RECK: variants seen among roughly 807,000 people sequenced by gnomAD.
The protein encoded by RECK is reversion-inducing cysteine-rich protein with Kazal motifs.
Under a neutral mutation model 115.1 loss-of-function variants are expected in RECK, and 69 were observed. The observed-to-expected ratio is 0.60, with a 90% confidence interval of 0.49 to 0.73. The LOEUF is 0.73. Among genes scored for constraint, RECK ranks in the 30% least tolerant of loss-of-function variants. RECK has a pLI of 0.00. For synonymous variants in RECK, 414 were observed against 419.7 expected (o/e 0.99, Z 0.17); for missense variants, 1,047 against 1,203.7 (o/e 0.87, Z 1.93).
At chr9:36,116,308 A>G (rs1824262977) in intron 16 of RECK, among the ~76,000 whole-genome samples, 1 of 151,958 alleles carries the variant, frequency 6.6e-6, no homozygotes, top group Non-Finnish European at 1.5e-5. Flanking sequence ...TTGTATTTTT[A>G]GTAGAGATGG....
rs139290291 is a variant in RECK at position 36,046,158 on chromosome 9, T to C, written c.101-6107T>C. The stretch of plus-strand genomic sequence containing the variant: ...TAAGCAGAGTTTTAAACTATTATTC[T>C]TGAAGAATATGTTAGGATCAAATTA... On this transcript the variant is annotated intron_variant, in intron 1 of 20. Transcript: ENST00000377966. Among the ~76,000 whole-genome samples the C allele has an allele frequency of 2.6e-3, 401 of 152,324 alleles. 2 individuals carry two copies. Among genetic ancestry groups the C allele is most frequent in the Middle Eastern group, 6.8e-3 (2 of 294 alleles).
intron 1 of RECK, among the ~76,000 whole-genome samples, chr9:36,041,145 A>G (rs1361771341): frequency 6.6e-6 from 1 of 152,240 alleles, no homozygotes; most frequent in Non-Finnish European, 1.5e-5. Flanking sequence ...ATTCACCCCA[A>G]AATGTATAAT....
chr9:36,121,078 C>T (rs72729496), intron 19 of RECK, among the ~76,000 whole-genome samples: 15,658 of 152,164 alleles, frequency 0.1, 926 homozygotes, highest in Middle Eastern at 0.21. Flanking sequence ...CTTTTGAGGT[C>T]GCCTCCCCTC....
rs60660015 is a variant in RECK at position 36,073,046 on chromosome 9, C to CTT, written c.405+7432_405+7433dup. 1.3e-4 allele frequency among the ~76,000 whole-genome samples: 19 copies of CTT among 146,348 alleles called. No homozygotes were observed. In the East Asian group the frequency reaches 1.8e-3, roughly 14 times the overall value. On this transcript the variant is annotated intron_variant, in intron 6 of 20. Transcript: ENST00000377966. ...CAACTTCAGAATCTTCATTGCTAAC[C>CTT]TTTTTTTTTTTGAGCTCCTGAACAC...
intron 6 of RECK, among the ~76,000 whole-genome samples, chr9:36,070,021 T>C (rs2132600820): frequency 6.6e-6 from 1 of 152,292 alleles, no homozygotes; most frequent in Non-Finnish European, 1.5e-5. Context: ...AAGGCAAAAT[T>C]AAGCTAGTTC....
rs1302642028 is a variant in RECK at position 36,037,052 on chromosome 9, GGCGGGGGTC to G, written c.59_67del (p.Gly20_Ala22del). ...GTGCGCTGCTCCTTCTGCTGGCCGT[GGCGGGGGTC>G]GCGGAGGTGGCAGGGGGCCTGGCTC... On this transcript the variant is annotated inframe_deletion, in exon 1 of 21. Transcript: ENST00000377966. 7.1e-7 allele frequency: 1 copy of G among 1,400,792 alleles called. No homozygotes were observed. Among genetic ancestry groups the G allele is most frequent in the Non-Finnish European group, 9.3e-7 (1 of 1,072,078 alleles). The allele number at this position is 1,400,792 out of a possible 1,614,324, so 86.8% of individuals were successfully genotyped here. A position where few individuals can be genotyped will look rare whatever the true frequency, so the allele number is the denominator to read the frequency against.
rs888999340 is a variant in RECK at position 36,118,700 on chromosome 9, G to T, written c.2254-57G>T. On this transcript the variant is annotated intron_variant, in intron 17 of 20. Coordinates refer to ENST00000377966, the MANE Select transcript of RECK (RefSeq NM_021111.3). The stretch of plus-strand genomic sequence containing the variant: ...TAGGGAGGCATGCTGTGTACTCTTG[G>T]TTGGGAAAGGTACAACATAGACATT... 5 of 1,533,776 alleles carry T rather than the reference G, an allele frequency of 3.3e-6. No homozygotes were observed. In the African/African-American group the frequency reaches 4.1e-5, roughly 13 times the overall value.
chr9:36,097,173 T>TA (rs1482463470), intron 10 of RECK, among the ~76,000 whole-genome samples: 1 of 151,616 alleles, frequency 6.6e-6, no homozygotes, highest in East Asian at 1.9e-4. Context: ...AAAATATTTT[T>TA]AAAAATTAGC....
intron 9 of RECK, among the ~76,000 whole-genome samples, chr9:36,089,967 TACACACACACACACAC>T (rs55678229): frequency 2.8e-5 from 4 of 143,898 alleles, no homozygotes; most frequent in East Asian, 2.0e-4. Flanking sequence ...CTACTAAAAA[TACACACACACACACAC>T]ACACACACAC....
intron 11 of RECK, among the ~76,000 whole-genome samples, chr9:36,101,226 C>G (rs1201563586): frequency 6.6e-6 from 1 of 152,204 alleles, no homozygotes; most frequent in East Asian, 1.9e-4. Context: ...GCTGGGATTA[C>G]AGGCCTGAGC....
rs994271313 is a variant in RECK, at chr9:36,036,946, G to T, written c.-53G>T. ...GGCGGCGGTAGCGGCGGCAGCGGCT[G>T]CGGCCAAGCTGGGTCCGAGCATCCC... is the stretch of plus-strand genomic sequence containing the variant. On this transcript the variant is annotated 5_prime_UTR_variant, in exon 1 of 21. Transcript: ENST00000377966. 75 of 1,208,066 alleles carry T rather than the reference G, an allele frequency of 6.2e-5. No individual in the cohort carries two copies. The African/African-American group carries it at 1.1e-3, about 17-fold the overall frequency. 74.8% of individuals were successfully genotyped at this position (1,208,066 alleles called of 1,614,324 possible).
rs1408653621 is a variant in RECK, at chr9:36,043,670, T to C, written c.100+6572T>C. Among the ~76,000 whole-genome samples the C allele has an allele frequency of 2.6e-5, 4 of 152,218 alleles. No homozygotes were observed. The East Asian group carries it at 7.7e-4, about 29-fold the overall frequency. ...AGTTTCAGGTCTTAGAATTAAGTCTTGATCAATCTTGAGTTGATTTTTGTA... is the reference window on the plus strand; with the variant it reads ...AGTTTCAGGTCTTAGAATTAAGTCTCGATCAATCTTGAGTTGATTTTTGTA... On this transcript the variant is annotated intron_variant, in intron 1 of 20. Transcript: ENST00000377966.
chr9:36,110,169 G>A, intron 15 of RECK, 90 bp downstream of exon 15: 4 of 1,351,116 alleles, frequency 3.0e-6, no homozygotes, highest in East Asian at 2.4e-5. Flanking sequence ...AGTCTTAACT[G>A]CAAATGTACA....
At chr9:36,042,423 AGT>A (rs35193636) in intron 1 of RECK, among the ~76,000 whole-genome samples, 40,733 of 144,190 alleles carry the variant, frequency 0.28, 5,782 homozygotes, top group East Asian at 0.51. Flanking sequence ...AGTATTCCAT[AGT>A]GTGTGTGTGT....
intron 8 of RECK, chr9:36,086,052 A>C (rs1178876315): frequency 6.6e-6 from 1 of 152,198 alleles, no homozygotes; most frequent in Non-Finnish European, 1.5e-5. Flanking sequence ...AGAAGGCGCC[A>C]AACAGATATG....
At chr9:36,059,922 G>A (rs747675223) in intron 3 of RECK, among the ~76,000 whole-genome samples, 197 bp from the exon 4 acceptor site, 3 of 152,146 alleles carry the variant, frequency 2.0e-5, no homozygotes, top group Non-Finnish European at 2.9e-5. Flanking sequence ...CTCTCAGATG[G>A]GAAAAGAACA....
chr9:36,048,534 C>T (rs1377792629), intron 1 of RECK, among the ~76,000 whole-genome samples: 1 of 152,120 alleles, frequency 6.6e-6, no homozygotes, highest in African/African-American at 2.4e-5. Flanking sequence ...ACTCAAGCCC[C>T]CAACCCTATC....
At chr9:36,101,154 T>C (rs747889985) in intron 11 of RECK, among the ~76,000 whole-genome samples, 38 of 152,142 alleles carry the variant, frequency 2.5e-4, no homozygotes, top group Admixed American at 4.6e-4. Context: ...GGTTTTACCA[T>C]GTTGGCCAGG....
At position 36,087,706 on chromosome 9, in the gene RECK, G is replaced by A; in HGVS notation, c.650G>A (p.Cys217Tyr). Residue 217 changes from cysteine to tyrosine, a missense_variant, in exon 9 of 21, where the codon TGT becomes TAT. Transcript: ENST00000377966. Reference sequence around the variant, plus strand: ...TCTGAAAATGTAGGTTTATATTGCTGTGACAGAGCTGAAGACCATGCTTGC... The same window carrying A: ...TCTGAAAATGTAGGTTTATATTGCTATGACAGAGCTGAAGACCATGCTTGC... Reference protein sequence around the residue: ...MRNPTDSLYCCDRAEDHACQN... With the variant: ...MRNPTDSLYCYDRAEDHACQN... 1 of 1,613,820 alleles carries A rather than the reference G, an allele frequency of 6.2e-7. No individual in the cohort carries two copies. The highest frequency in any genetic ancestry group is 8.5e-7 in the Non-Finnish European group (1 of 1,179,774).
Sources: gnomAD v4.1 joint callset for allele counts (sites outside exome capture counted in the v4.1 genomes callset) on GRCh38, gnomAD v4.1.1 for gene constraint, MANE v1.5 for transcripts, NCBI Gene and HGNC (gene_info 2026-07-23, HGNC 2026-07-21) for gene names.